Variants in ASTN2 observed in about 807,000 individuals in gnomAD.
ASTN2 encodes astrotactin 2, also known as astrotactin-2.
In ASTN2, 54 loss-of-function variants were observed where a neutral mutation model predicts 139.8. That is an observed-to-expected ratio of 0.39 (90% confidence interval 0.31 to 0.48). ASTN2 has a LOEUF of 0.48. Ranked by LOEUF, ASTN2 falls within the 20% of genes least tolerant of loss-of-function variation. The probability of loss-of-function intolerance (pLI) is 0.95; values close to 1 mark genes in which losing one functional copy is unlikely to be tolerated. For missense variants in ASTN2, 1,565 were observed against 1,725.1 expected, an observed-to-expected ratio of 0.91 and a Z score of 1.64; for synonymous variants, 756 against 719.5, an observed-to-expected ratio of 1.05 and a Z score of -0.81.
At chr9:116,509,850 G>T (rs1850289409) in intron 19 of ASTN2, among the ~76,000 whole-genome samples, 1 of 152,044 alleles carries the variant, frequency 6.6e-6, no homozygotes, top group African/African-American at 2.4e-5. Flanking sequence ...ACTTGATGGG[G>T]TTGTTTCTTT....
chr9:116,945,673 A>G (rs1249576148), intron 10 of ASTN2, among the ~76,000 whole-genome samples: 1 of 151,202 alleles, frequency 6.6e-6, no homozygotes, highest in Non-Finnish European at 1.5e-5. Flanking sequence ...ACACAAGTTT[A>G]TCAAGTCCCA....
intron 1 of ASTN2, among the ~76,000 whole-genome samples, chr9:117,403,840 T>C (rs536008166): frequency 7.9e-5 from 12 of 152,154 alleles, no homozygotes; most frequent in South Asian, 4.2e-4. Context: ...CGGAATTCCC[T>C]GCTTCCCCCA....
chr9:116,780,228 A>G (rs1830182057), intron 13 of ASTN2, among the ~76,000 whole-genome samples: 1 of 152,196 alleles, frequency 6.6e-6, no homozygotes, highest in Non-Finnish European at 1.5e-5. Flanking sequence ...AGCAGAAGAG[A>G]ACAGGAGGTT....
intron 14 of ASTN2, among the ~76,000 whole-genome samples, chr9:116,729,813 A>G (rs1244940767): frequency 1.3e-5 from 2 of 152,254 alleles, no homozygotes; most frequent in South Asian, 2.1e-4. Flanking sequence ...GTTTAACTGT[A>G]TAATTTCTCA....
At chr9:117,222,766 G>A (rs188333395) in intron 2 of ASTN2, among the ~76,000 whole-genome samples, 144 of 152,090 alleles carry the variant, frequency 9.5e-4, no homozygotes, top group African/African-American at 3.1e-3. Flanking sequence ...CTCCCACAGC[G>A]CTTCGCCTTA....
intron 18 of ASTN2, among the ~76,000 whole-genome samples, chr9:116,619,038 G>T (rs1333244380): frequency 2.0e-5 from 3 of 152,064 alleles, no homozygotes; most frequent in Admixed American, 2.0e-4. Context: ...AAGGGGGAAA[G>T]GCTCAAAAAA....
rs185676091 is a variant in ASTN2, at chr9:117,005,044, C to A, written c.1591+3048G>T. On this transcript the variant is annotated intron_variant, in intron 7 of 22. Coordinates refer to ENST00000313400, the MANE Select transcript of ASTN2 (RefSeq NM_001365068.1). The stretch of plus-strand genomic sequence containing the variant: ...AGCAAATTTCTATCCCCAGCTAAGA[C>A]TTCTTCTTTGAATTTGAGTTGTGGA... Among the ~76,000 whole-genome samples, 7 of 141,384 alleles carry A rather than the reference C, an allele frequency of 5.0e-5. No homozygotes were observed. In the East Asian group the frequency reaches 1.5e-3, roughly 30 times the overall value. 92.8% of individuals were successfully genotyped at this position (141,384 alleles called of 152,430 possible). A position where few individuals can be genotyped will look rare whatever the true frequency, so the allele number is the denominator to read the frequency against.
intron 7 of ASTN2, among the ~76,000 whole-genome samples, chr9:116,994,273 T>C (rs1238929116): frequency 1.3e-5 from 2 of 152,202 alleles, no homozygotes; most frequent in African/African-American, 4.8e-5. Context: ...AGCATGGCTG[T>C]GTTTAAATAA....
At chr9:116,945,476 A>T (rs1309730870) in intron 10 of ASTN2, among the ~76,000 whole-genome samples, 2 of 152,196 alleles carry the variant, frequency 1.3e-5, no homozygotes, top group African/African-American at 4.8e-5. Context: ...ACCAAAGTTA[A>T]GACAAGTCCA....
intron 11 of ASTN2, among the ~76,000 whole-genome samples, chr9:116,858,437 C>T (rs528578924): frequency 2.0e-5 from 3 of 152,264 alleles, no homozygotes; most frequent in East Asian, 1.9e-4. Context: ...TAGTGAAGTG[C>T]GTCAGGGGGC....
intron 10 of ASTN2, among the ~76,000 whole-genome samples, chr9:116,967,409 C>A (rs1480867436): frequency 6.6e-6 from 1 of 152,080 alleles, no homozygotes; most frequent in Non-Finnish European, 1.5e-5. Flanking sequence ...TAAGTGGGTT[C>A]CCTATTGAAG....
intron 17 of ASTN2, among the ~76,000 whole-genome samples, chr9:116,632,201 A>AGGG (rs1564169021): frequency 1.9e-4 from 6 of 30,852 alleles, no homozygotes; most frequent in Non-Finnish European, 2.4e-4. Context: ...AGAGAGAAAG[A>AGGG]AAGAAAAGAA....
At chr9:116,781,942 T>C (rs1009349890) in intron 13 of ASTN2, among the ~76,000 whole-genome samples, 1 of 152,134 alleles carries the variant, frequency 6.6e-6, no homozygotes, top group Non-Finnish European at 1.5e-5. Flanking sequence ...CGAGCAGCTT[T>C]CACAAATTTA....
At position 116,699,488 on chromosome 9, in the gene ASTN2, T is replaced by C; in HGVS notation, c.2806+26283A>G. 1 of 1,614,192 alleles carries C rather than the reference T, an allele frequency of 6.2e-7. No homozygotes were observed. Among genetic ancestry groups the C allele is most frequent in the Non-Finnish European group, 8.5e-7 (1 of 1,180,030 alleles). ...ATTTCCGCTGCATTGCTGGCATGTGTGTGGATGCTCGTGGTGATCTCATCG... is the reference window on the plus strand; with the variant it reads ...ATTTCCGCTGCATTGCTGGCATGTGCGTGGATGCTCGTGGTGATCTCATCG... On this transcript the variant is annotated intron_variant, in intron 16 of 22. Coordinates refer to ENST00000313400, the MANE Select transcript of ASTN2 (RefSeq NM_001365068.1). The surrounding 1 kb of genome is among the most constrained non-coding windows in gnomAD (Gnocchi z 4.2).
At chr9:117,282,564 C>T (rs904413587) in intron 2 of ASTN2, among the ~76,000 whole-genome samples, 3 of 152,158 alleles carry the variant, frequency 2.0e-5, no homozygotes, top group African/African-American at 7.2e-5. Flanking sequence ...ATGTGCACCC[C>T]CTGTAAAAGA....
At chr9:116,469,898 T>C (rs992899378) in intron 20 of ASTN2, among the ~76,000 whole-genome samples, 1 of 151,890 alleles carries the variant, frequency 6.6e-6, no homozygotes, top group African/African-American at 2.4e-5. Context: ...GGGGATGCCA[T>C]TCTGAGGATG....
At chr9:117,088,242 T>C (rs1028372724) in intron 5 of ASTN2, among the ~76,000 whole-genome samples, 2 of 152,168 alleles carry the variant, frequency 1.3e-5, no homozygotes, top group African/African-American at 4.8e-5. Flanking sequence ...TTCCTGCACA[T>C]GAATTTGGGC....
Position 117,116,037 on chromosome 9 carries a change from C to CATATATATATATATATATATATAT in ASTN2, c.1169-19887_1169-19886insATATATATATATATATATATATAT, listed in dbSNP as rs113795526. Among the ~76,000 whole-genome samples the CATATATATATATATATATATATAT allele has an allele frequency of 9.1e-3, 1,277 of 139,988 alleles. 11 individuals are homozygous for CATATATATATATATATATATATAT. Among genetic ancestry groups the CATATATATATATATATATATATAT allele is most frequent in the South Asian group, 0.014 (60 of 4,236 alleles). The allele number at this position is 139,988 out of a possible 152,430, so 91.8% of individuals were successfully genotyped here. ...GAGACTCCGCCTCAAAAAAAAAATG[C>CATATATATATATATATATATATAT]ATATATATATATATATTGCTCCCAT... On this transcript the variant is annotated intron_variant, in intron 4 of 22. Transcript: ENST00000313400.
At chr9:116,529,320 C>A (rs1365347892) in intron 19 of ASTN2, among the ~76,000 whole-genome samples, 5 of 152,092 alleles carry the variant, frequency 3.3e-5, no homozygotes, top group African/African-American at 4.8e-5. Flanking sequence ...AATGACTGTC[C>A]TGTTGGGTTT....
Sources: gnomAD v4.1 joint callset for allele counts (sites outside exome capture counted in the v4.1 genomes callset) on GRCh38, gnomAD v4.1.1 for gene constraint, Gnocchi (gnomAD v3.1) non-coding constraint, MANE v1.5 for transcripts, NCBI Gene and HGNC (gene_info 2026-07-23, HGNC 2026-07-21) for gene names.